MTHFD1L: variants seen among roughly 807,000 people sequenced by gnomAD.
MTHFD1L encodes the protein monofunctional C1-tetrahydrofolate synthase, mitochondrial.
In MTHFD1L, 81 loss-of-function variants were observed where a neutral mutation model predicts 119.5. That is an observed-to-expected ratio of 0.68 (90% confidence interval 0.57 to 0.82). The LOEUF is 0.82. Among genes scored for constraint, MTHFD1L ranks in the 40% least tolerant of loss-of-function variants. MTHFD1L has a pLI of 0.00. For synonymous variants in MTHFD1L, 430 were observed against 475.2 expected (o/e 0.90, Z 1.24); for missense variants, 1,125 against 1,253.4 (o/e 0.90, Z 1.55).
rs185849173 is a variant in MTHFD1L, at chr6:151,036,888, C to G, written c.2695-77C>G. 1.1e-3 allele frequency: 1,699 copies of G among 1,506,896 alleles called. 21 individuals are homozygous for G. Among genetic ancestry groups the G allele is most frequent in the Non-Finnish European group, 2.5e-4 (271 of 1,085,622 alleles). 93.3% of individuals were successfully genotyped at this position (1,506,896 alleles called of 1,614,324 possible). A position where few individuals can be genotyped will look rare whatever the true frequency, so the allele number is the denominator to read the frequency against. ...AGCCGGCATACCATTGCTGCCGAGA[C>G]TGTATAAAGTGCAAATTGAAAAGCA... is the stretch of plus-strand genomic sequence containing the variant. On this transcript the variant is annotated intron_variant, in intron 25 of 27. Coordinates refer to ENST00000367321, the MANE Select transcript of MTHFD1L (RefSeq NM_015440.5).
intron 26 of MTHFD1L, chr6:151,056,064 T>G (rs1163841334): frequency 6.6e-6 from 1 of 152,226 alleles, no homozygotes; most frequent in African/African-American, 2.4e-5. Context: ...CTATTGTGCC[T>G]TGTGGAGATT....
chr6:150,987,719 A>ACTTTCATTCCATAGCAGCATCG lies in MTHFD1L; in HGVS notation c.2125+15661_2125+15662insCTTTCATTCCATAGCAGCATCG, dbSNP rs1562499490. On this transcript the variant is annotated intron_variant, in intron 20 of 27. Transcript: ENST00000367321. Reference sequence around the variant, plus strand: ...TTCACTTTCATTCCATAGCAGCATCATACAGCCCTGTGCATAACAGGAAGT... The same window carrying ACTTTCATTCCATAGCAGCATCG: ...TTCACTTTCATTCCATAGCAGCATCACTTTCATTCCATAGCAGCATCGTACAGCCCTGTGCATAACAGGAAGT... Among the ~76,000 whole-genome samples the ACTTTCATTCCATAGCAGCATCG allele has an allele frequency of 1.5e-4, 23 of 152,248 alleles. No homozygotes were observed. The East Asian group carries it at 3.3e-3, about 22-fold the overall frequency.
intron 24 of MTHFD1L, chr6:151,022,190 A>T (rs1315070622): frequency 8.5e-6 from 3 of 353,908 alleles, no homozygotes; most frequent in Non-Finnish European, 1.7e-5. Context: ...TTAAGGCAGG[A>T]TGTTTGTTGT....
At chr6:150,934,945 G>A in intron 11 of MTHFD1L, 1 of 1,521,140 alleles carries the variant, frequency 6.6e-7, no homozygotes, top group Non-Finnish European at 8.8e-7. Flanking sequence ...ATTTCAATTT[G>A]GGACATTTAT....
chr6:150,997,099 G>GCTGTCCCAGCT (rs371455735), intron 20 of MTHFD1L, among the ~76,000 whole-genome samples: 1 of 152,108 alleles, frequency 6.6e-6, no homozygotes, highest in East Asian at 1.9e-4. Context: ...TCTCCTGGGC[G>GCTGTCCCAGCT]CTGTCCCAGC....
intron 17 of MTHFD1L, among the ~76,000 whole-genome samples, chr6:150,958,356 A>G (rs909395837): frequency 2.0e-5 from 3 of 152,180 alleles, no homozygotes; most frequent in Non-Finnish European, 4.4e-5. Context: ...GAGTGTTTGC[A>G]GTTTCAGGCT....
intron 13 of MTHFD1L, among the ~76,000 whole-genome samples, chr6:150,939,069 G>A (rs1027246180): frequency 2.6e-5 from 4 of 152,102 alleles, no homozygotes; most frequent in African/African-American, 9.7e-5. Context: ...AAATCACACT[G>A]CCTTCCTAAA....
chr6:151,045,027 T>C (rs561390168), intron 26 of MTHFD1L, among the ~76,000 whole-genome samples: 210 of 152,322 alleles, frequency 1.4e-3, no homozygotes, highest in Non-Finnish European at 2.5e-3. Flanking sequence ...CTGCTGGATC[T>C]GATTCAGGTC....
rs1314841734 is a variant in MTHFD1L, at chr6:150,926,927, G to A, written c.1256+632G>A. 6.6e-6 allele frequency among the ~76,000 whole-genome samples: 1 copy of A among 152,006 alleles called. No homozygotes were observed. The highest frequency in any genetic ancestry group is 2.4e-5 in the African/African-American group (1 of 41,384). On this transcript the variant is annotated intron_variant, in intron 11 of 27. Transcript: ENST00000367321. This position sits in a 1 kb window ranked among gnomAD's most constrained non-coding sequence, Gnocchi z 4.3. Reference sequence around the variant, plus strand: ...AGCTGAAAAGATGATAGAAAGCAAGGGATTTCAAATATTTATTCAGTGTGA... The same window carrying A: ...AGCTGAAAAGATGATAGAAAGCAAGAGATTTCAAATATTTATTCAGTGTGA...
At chr6:151,051,545 C>T (rs1404208835) in intron 26 of MTHFD1L, among the ~76,000 whole-genome samples, 1 of 152,162 alleles carries the variant, frequency 6.6e-6, no homozygotes, top group African/African-American at 2.4e-5. Flanking sequence ...GGACTTTAAA[C>T]ATCTTGGCTT....
chr6:150,880,661 T>G (rs1157511345), intron 4 of MTHFD1L, among the ~76,000 whole-genome samples: 1 of 152,216 alleles, frequency 6.6e-6, no homozygotes, highest in Non-Finnish European at 1.5e-5. Context: ...TTTTTTTAAT[T>G]TTGTGAGAAA....
intron 4 of MTHFD1L, among the ~76,000 whole-genome samples, chr6:150,879,881 G>A (rs894278836): frequency 6.6e-6 from 1 of 151,876 alleles, no homozygotes; most frequent in Non-Finnish European, 1.5e-5. Context: ...TGCCCTCCCT[G>A]GCCTCCCAAA....
At chr6:150,992,976 G>C (rs1418811741) in intron 20 of MTHFD1L, among the ~76,000 whole-genome samples, 4 of 152,182 alleles carry the variant, frequency 2.6e-5, no homozygotes, top group Admixed American at 1.3e-4. Flanking sequence ...GTGATGCTCG[G>C]TTAAGTTTTA....
chr6:150,918,766 T>C, intron 9 of MTHFD1L, 98 bp downstream of exon 9: 1 of 932,118 alleles, frequency 1.1e-6, no homozygotes, highest in Non-Finnish European at 1.7e-6. Flanking sequence ...GGTACAGTGT[T>C]AAACACTTCA....
chr6:151,000,619 C>T (rs2057108), intron 20 of MTHFD1L, among the ~76,000 whole-genome samples: 4,256 of 152,284 alleles, frequency 0.028, 205 homozygotes, highest in Admixed American at 0.14. Flanking sequence ...CCGAATTTCT[C>T]TTATAGTTAA....
intron 11 of MTHFD1L, chr6:150,935,462 C>A: frequency 3.7e-6 from 6 of 1,610,208 alleles, no homozygotes; most frequent in Non-Finnish European, 5.1e-6. Context: ...GCATTTGTAG[C>A]CTACCTGTGC....
rs146837171 is a variant in MTHFD1L, at chr6:151,052,592, C to T, written c.2847+15475C>T. On this transcript the variant is annotated intron_variant, in intron 26 of 27. Transcript: ENST00000367321. ...AGTGGGCAGGAGCCTGACTCCAGAG[C>T]GCCTTAGAGGCTGCCGCTGGGAGTT... Among the ~76,000 whole-genome samples the T allele has an allele frequency of 2.6e-3, 394 of 152,272 alleles. 2 individuals are homozygous for T. The highest frequency in any genetic ancestry group is 0.01 in the Middle Eastern group (3 of 294).
At chr6:150,998,458 G>T (rs1584032273) in intron 20 of MTHFD1L, among the ~76,000 whole-genome samples, 1 of 152,084 alleles carries the variant, frequency 6.6e-6, no homozygotes, top group East Asian at 1.9e-4. Context: ...TTTTGAAACT[G>T]TTCTTTCCTA....
At chr6:150,999,498 A>G (rs1425365927) in intron 20 of MTHFD1L, among the ~76,000 whole-genome samples, 4 of 152,198 alleles carry the variant, frequency 2.6e-5, no homozygotes, top group African/African-American at 9.7e-5. Flanking sequence ...GGTCATAGTC[A>G]TGGCACTGTA....
Sources: gnomAD v4.1 joint callset for allele counts (sites outside exome capture counted in the v4.1 genomes callset) on GRCh38, gnomAD v4.1.1 for gene constraint, Gnocchi (gnomAD v3.1) non-coding constraint, MANE v1.5 for transcripts, NCBI Gene and HGNC (gene_info 2026-07-23, HGNC 2026-07-21) for gene names.